Variants in FRMD4B observed in about 807,000 individuals in gnomAD.
The protein encoded by FRMD4B is FERM domain-containing protein 4B.
Under a neutral mutation model 141.5 loss-of-function variants are expected in FRMD4B, and 74 were observed. The observed-to-expected ratio is 0.52, with a 90% CI of 0.43 to 0.63. The LOEUF (loss-of-function observed/expected upper bound fraction) is 0.63, where lower values mean the gene tolerates loss of function less well. Ranked by LOEUF, FRMD4B falls within the 30% of genes least tolerant of loss-of-function variation. FRMD4B has a pLI of 0.00. For missense variants in FRMD4B, 1,366 were observed against 1,253.4 expected (o/e 1.09, Z -1.36); for synonymous variants, 506 against 467.9 (o/e 1.08, Z -1.05).
chr3:69,215,122 C>G (rs895054011), intron 11 of FRMD4B, among the ~76,000 whole-genome samples: 2 of 151,454 alleles, frequency 1.3e-5, no homozygotes, highest in African/African-American at 4.8e-5. Context: ...TCAGGCAACC[C>G]ACCCGACTCA....
chr3:69,252,368 A>G (rs1029898353), intron 5 of FRMD4B, among the ~76,000 whole-genome samples: 3 of 152,188 alleles, frequency 2.0e-5, no homozygotes, highest in Non-Finnish European at 2.9e-5. Context: ...AGTGGCCCCA[A>G]TACAGTTCTG....
chr3:69,208,392 GT>G (rs1559718098), intron 11 of FRMD4B, among the ~76,000 whole-genome samples: 1 of 151,994 alleles, frequency 6.6e-6, no homozygotes, highest in Non-Finnish European at 1.5e-5. Flanking sequence ...TAGAGATAGG[GT>G]TTCACCATGT....
At chr3:69,247,906 C>T (rs1462396272) in intron 7 of FRMD4B, among the ~76,000 whole-genome samples, 2 of 152,234 alleles carry the variant, frequency 1.3e-5, no homozygotes, top group Non-Finnish European at 2.9e-5. Flanking sequence ...GCCTCAGCCT[C>T]TCAAAGTGCT....
intron 7 of FRMD4B, among the ~76,000 whole-genome samples, chr3:69,232,185 A>G (rs773144786): frequency 5.9e-5 from 9 of 152,204 alleles, no homozygotes; most frequent in Non-Finnish European, 1.0e-4. Flanking sequence ...CCTAATGGCA[A>G]CGGATATGTT....
chr3:69,413,794 T>C (rs1704802269), intron 2 of FRMD4B, among the ~76,000 whole-genome samples: 1 of 152,130 alleles, frequency 6.6e-6, no homozygotes, highest in Non-Finnish European at 1.5e-5. Context: ...AATACAACCC[T>C]GCATCTCCTA....
At chr3:69,500,602 C>A (rs1166184493) in intron 1 of FRMD4B, among the ~76,000 whole-genome samples, 1 of 152,106 alleles carries the variant, frequency 6.6e-6, no homozygotes, top group African/African-American at 2.4e-5. Flanking sequence ...CAAGGGCAAG[C>A]AGGTACTACC....
At chr3:69,509,013 A>G (rs1247161388) in intron 1 of FRMD4B, among the ~76,000 whole-genome samples, 3 of 152,214 alleles carry the variant, frequency 2.0e-5, no homozygotes, top group Admixed American at 2.0e-4. Context: ...ACCCAAATAC[A>G]TGTAATCACC....
At chr3:69,297,603 T>G (rs1031419389) in intron 4 of FRMD4B, among the ~76,000 whole-genome samples, 1 of 152,202 alleles carries the variant, frequency 6.6e-6, no homozygotes, top group African/African-American at 2.4e-5. Flanking sequence ...TGAGGGAATA[T>G]GAGCATTTCC....
At chr3:69,529,840 G>A (rs189680938) in intron 1 of FRMD4B, among the ~76,000 whole-genome samples, 3 of 152,332 alleles carry the variant, frequency 2.0e-5, no homozygotes, top group African/African-American at 7.2e-5. Flanking sequence ...AATGCAGAGA[G>A]GTTAAGATAC....
At chr3:69,371,222 A>G (rs1311920302) in intron 1 of FRMD4B, among the ~76,000 whole-genome samples, 1 of 152,166 alleles carries the variant, frequency 6.6e-6, no homozygotes, top group African/African-American at 2.4e-5. Flanking sequence ...TCTGTGGGCT[A>G]CAACTCTGAG....
At chr3:69,538,175 A>G (rs1277866302) in intron 1 of FRMD4B, among the ~76,000 whole-genome samples, 1 of 152,258 alleles carries the variant, frequency 6.6e-6, no homozygotes, top group East Asian at 1.9e-4. Flanking sequence ...CACAGAGGAA[A>G]GAAGAAAAAG....
intron 13 of FRMD4B, 98 bp downstream of exon 13, chr3:69,196,801 CA>C: frequency 2.1e-6 from 2 of 939,760 alleles, no homozygotes; most frequent in Non-Finnish European, 1.6e-6. Context: ...TCTCAGAGAG[CA>C]AAAATATATG....
At chr3:69,209,409 T>C (rs953522063) in intron 11 of FRMD4B, among the ~76,000 whole-genome samples, 2 of 152,212 alleles carry the variant, frequency 1.3e-5, no homozygotes, top group Admixed American at 1.3e-4. Flanking sequence ...ATACACTTTC[T>C]ATAAATTAAA....
At chr3:69,537,534 G>C (rs1452528024) in intron 1 of FRMD4B, among the ~76,000 whole-genome samples, 1 of 152,146 alleles carries the variant, frequency 6.6e-6, no homozygotes, top group Non-Finnish European at 1.5e-5. Flanking sequence ...ATGAAAACAG[G>C]ATCACGATCA....
At chr3:69,351,460 C>CT (rs1283116339) in intron 1 of FRMD4B, among the ~76,000 whole-genome samples, 3 of 152,258 alleles carry the variant, frequency 2.0e-5, no homozygotes, top group African/African-American at 4.8e-5. Flanking sequence ...AGCACTATAG[C>CT]TTTTTGTGAT....
chr3:69,387,909 AG>A (rs771966259), upstream of FRMD4B, among the ~76,000 whole-genome samples: 1 of 152,150 alleles, frequency 6.6e-6, no homozygotes, highest in Non-Finnish European at 1.5e-5. Context: ...ATGTGCCATC[AG>A]TATTAGTATT....
intron 21 of FRMD4B, among the ~76,000 whole-genome samples, chr3:69,177,984 A>G (rs1383184640): frequency 5.9e-5 from 9 of 152,174 alleles, no homozygotes; most frequent in Non-Finnish European, 4.4e-5. Context: ...GGAAGAAGGG[A>G]TTTAGTTCTA....
At chr3:69,371,954 AC>A (rs1249544683) in intron 1 of FRMD4B, among the ~76,000 whole-genome samples, 2 of 152,098 alleles carry the variant, frequency 1.3e-5, no homozygotes, top group Non-Finnish European at 2.9e-5. Context: ...CACCACACTT[AC>A]TGCAAACTCT....
intron 5 of FRMD4B, among the ~76,000 whole-genome samples, chr3:69,267,691 T>A (rs868470470): frequency 1.2e-3 from 104 of 89,320 alleles, no homozygotes; most frequent in Middle Eastern, 7.9e-3. Flanking sequence ...AGAGAGAGAG[T>A]GTCTGTCTGT....
Sources: allele counts gnomAD v4.1 joint callset (sites outside exome capture counted in the v4.1 genomes callset), GRCh38; gene constraint gnomAD v4.1.1; transcripts MANE v1.5; gene names NCBI Gene and HGNC (gene_info 2026-07-23, HGNC 2026-07-21).